Variants in FNBP4 observed in about 807,000 individuals in gnomAD.
FNBP4 encodes formin-binding protein 4.
In FNBP4, 34 loss-of-function variants were observed where a neutral mutation model predicts 119.3. That is an observed-to-expected ratio of 0.28 (90% CI 0.22 to 0.38). FNBP4 has a LOEUF of 0.38. FNBP4 is among the 10% of genes least tolerant of loss of function. The probability of loss-of-function intolerance (pLI) is 1.00; values close to 1 mark genes in which losing one functional copy is unlikely to be tolerated. For synonymous variants in FNBP4, 462 were observed against 430.6 expected (o/e 1.07, Z -0.90); for missense variants, 1,112 against 1,228.9 (o/e 0.90, Z 1.42).
intron 8 of FNBP4, among the ~76,000 whole-genome samples, chr11:47,741,317 G>A (rs927168472): frequency 2.0e-5 from 3 of 151,546 alleles, no homozygotes; most frequent in Non-Finnish European, 2.9e-5. Context: ...TTATATCCGT[G>A]TGCCACCACA....
intron 6 of FNBP4, among the ~76,000 whole-genome samples, chr11:47,750,339 A>C (rs537120357): frequency 7.5e-6 from 1 of 133,176 alleles, no homozygotes; most frequent in South Asian, 2.6e-4. Context: ...CTGAGACAGC[A>C]CCACTGCGCT....
At chr11:47,743,720 T>C in intron 8 of FNBP4, 1 of 534,744 alleles carries the variant, frequency 1.9e-6, no homozygotes, top group Non-Finnish European at 3.3e-6. Context: ...GAAATGGGAC[T>C]GGACTCTGAA....
Position 47,724,535 on chromosome 11 carries a change from G to A in FNBP4, c.2252C>T (p.Pro751Leu). The A allele has an allele frequency of 3.1e-6, 5 of 1,614,140 alleles. No individual in the cohort carries two copies. The highest frequency in any genetic ancestry group is 4.2e-6 in the Non-Finnish European group (5 of 1,180,008). ...GGTATCTTCCTCTGTTCCTGGGGCA[G>A]GGGGCTCCTCACTTCCCTCATCCTC... ...EMEDEGSEEPPAPGTEEDTPL... is the reference protein window; with the variant it reads ...EMEDEGSEEPLAPGTEEDTPL... Residue 751 changes from proline (P) to leucine (L), a missense_variant, in exon 13 of 17, where the codon CCT (proline) becomes CTT (leucine). Around this residue, in one of 2 missense-constraint regions of FNBP4, gnomAD observed 826 missense variants for 988.8 expected, o/e 0.84. Coordinates refer to ENST00000263773, the MANE Select transcript of FNBP4 (RefSeq NM_015308.5).
At chr11:47,726,538 C>G (rs1371910955) in intron 12 of FNBP4, 1 of 150,834 alleles carries the variant, frequency 6.6e-6, no homozygotes, top group Non-Finnish European at 1.5e-5. Context: ...CAACATCATT[C>G]CCACTGTCTC....
At chr11:47,753,719 C>G (rs1219941792) in intron 3 of FNBP4, among the ~76,000 whole-genome samples, 4 of 151,984 alleles carry the variant, frequency 2.6e-5, no homozygotes, top group African/African-American at 9.7e-5. Context: ...TTACTTGAAC[C>G]TGGGTGGCAG....
At position 47,767,127 on chromosome 11, in the gene FNBP4, C is replaced by A. The variant is rs966120994; in HGVS notation, c.162G>T (p.Ala54=). ...AVPSQPAPSA[A]TTTTTAVTAA... ...CAGTCACCGCGGTGGTGGTGGTCGT[C>A]GCCGCCGACGGGGCGGGCTGGCTGG... Residue 54 remains alanine, a synonymous_variant, in exon 1 of 17, where the codon GCG becomes GCT. Transcript: ENST00000263773. 2 of 1,540,124 alleles carry A rather than the reference C, an allele frequency of 1.3e-6. No individual in the cohort carries two copies. The highest frequency in any genetic ancestry group is 1.7e-6 in the Non-Finnish European group (2 of 1,148,652).
chr11:47,752,596 C>G, intron 4 of FNBP4: 1 of 194,516 alleles, frequency 5.1e-6, no homozygotes, highest in African/African-American at 2.3e-5. Context: ...ATTTCCTAAG[C>G]TCAGGAGTTC....
chr11:47,718,983 G>A (rs571658928), intron 16 of FNBP4, among the ~76,000 whole-genome samples: 1 of 146,418 alleles, frequency 6.8e-6, no homozygotes, highest in African/African-American at 2.6e-5. Flanking sequence ...TTGGCTCACT[G>A]CAACCTCCGC....
intron 12 of FNBP4, chr11:47,725,671 CATT>C: frequency 1.8e-6 from 1 of 570,226 alleles, no homozygotes; most frequent in South Asian, 7.7e-5. Flanking sequence ...TAAAAGCCAT[CATT>C]GATTACTGTC....
At chr11:47,752,090 G>C (rs1257719075) in intron 4 of FNBP4, among the ~76,000 whole-genome samples, 1 of 152,020 alleles carries the variant, frequency 6.6e-6, no homozygotes, top group Non-Finnish European at 1.5e-5. Flanking sequence ...CTAGTTTTCT[G>C]AGCCGACTAT....
intron 12 of FNBP4, among the ~76,000 whole-genome samples, chr11:47,727,642 A>AATAAATAAT (rs2097562675): frequency 6.6e-6 from 1 of 152,286 alleles, no homozygotes; most frequent in East Asian, 1.9e-4. Flanking sequence ...CTCACATGAA[A>AATAAATAAT]ATAAATAATA....
At chr11:47,747,297 C>T (rs561994312) in intron 6 of FNBP4, among the ~76,000 whole-genome samples, 15 of 152,236 alleles carry the variant, frequency 9.9e-5, no homozygotes, top group East Asian at 3.9e-4. Flanking sequence ...GTCTGCCTCC[C>T]GGGTTCAAGC....
rs768036279 is a variant in FNBP4, at chr11:47,736,627, GTTC to G, written c.1567_1569del (p.Glu523del). 4.2e-5 allele frequency: 67 copies of G among 1,593,174 alleles called. No homozygotes were observed. The highest frequency in any genetic ancestry group is 1.8e-4 in the Middle Eastern group (1 of 5,578). Reference sequence around the variant, plus strand: ...AGTAATATACATACTTTCAAATCCTGTTCTTCTTCTACTTTTGGTGTTGTCTGT... The same window carrying G: ...AGTAATATACATACTTTCAAATCCTGTTCTTCTACTTTTGGTGTTGTCTGT... On this transcript the variant is annotated inframe_deletion, in exon 9 of 17. Transcript: ENST00000263773.
chr11:47,761,531 G>A (rs1376170827), intron 2 of FNBP4, among the ~76,000 whole-genome samples: 1 of 152,028 alleles, frequency 6.6e-6, no homozygotes, highest in East Asian at 1.9e-4. Context: ...GACGGAGGTT[G>A]CAGTGAGCCA....
chr11:47,718,905 G>GTTT (rs35422529), intron 16 of FNBP4, among the ~76,000 whole-genome samples: 16 of 130,340 alleles, frequency 1.2e-4, no homozygotes, highest in African/African-American at 2.6e-4. Flanking sequence ...CACCCAACAT[G>GTTT]TTTTTTTTTT....
intron 7 of FNBP4, among the ~76,000 whole-genome samples, chr11:47,744,969 G>A (rs1247230805): frequency 6.6e-6 from 1 of 152,150 alleles, no homozygotes. Flanking sequence ...AACATAAATT[G>A]TGAAGATTTC....
chr11:47,723,935 A>G (rs1267354860), intron 14 of FNBP4, 93 bp downstream of exon 14: 5 of 1,126,530 alleles, frequency 4.4e-6, no homozygotes, highest in Non-Finnish European at 6.2e-6. Flanking sequence ...TGCAATCAAG[A>G]GCCTTTAACA....
intron 2 of FNBP4, among the ~76,000 whole-genome samples, chr11:47,763,490 T>C (rs1463801607): frequency 8.8e-5 from 2 of 22,612 alleles, no homozygotes; most frequent in Admixed American, 8.1e-4. Flanking sequence ...TTCAGAGCCA[T>C]AGTGTTTTGT....
chr11:47,748,166 G>C (rs866860455), intron 6 of FNBP4, among the ~76,000 whole-genome samples: 15 of 152,020 alleles, frequency 9.9e-5, no homozygotes, highest in South Asian at 2.1e-4. Flanking sequence ...TTGAACCCGG[G>C]GGGTGGAGGT....
Sources: allele counts gnomAD v4.1 joint callset (sites outside exome capture counted in the v4.1 genomes callset), GRCh38; gene constraint gnomAD v4.1.1; regional missense constraint gnomAD v4.1.1; transcripts MANE v1.5; gene names NCBI Gene and HGNC (gene_info 2026-07-23, HGNC 2026-07-21).